The following ATP1A4 variants were observed in gnomAD, a reference collection of about 807,000 sequenced individuals.
ATP1A4 encodes the protein ATPase Na+/K+ transporting subunit alpha 4.
ATP1A4 carries 90 observed loss-of-function variants against 114.3 expected under a neutral mutation model. That is an observed-to-expected ratio of 0.79 (90% confidence interval 0.66 to 0.94). ATP1A4 has a LOEUF of 0.94. ATP1A4 is among the 40% of genes least tolerant of loss of function. The probability of loss-of-function intolerance (pLI) is 0.00; values close to 1 mark genes in which losing one functional copy is unlikely to be tolerated. For synonymous variants in ATP1A4, 511 were observed against 494.1 expected (o/e 1.03, Z -0.45); for missense variants, 1,222 against 1,313.6 (o/e 0.93, Z 1.08).
intron 13 of ATP1A4, 109 bp from the exon 14 acceptor site, chr1:160,174,002 G>C: frequency 7.4e-7 from 1 of 1,346,648 alleles, no homozygotes; most frequent in Non-Finnish European, 1.0e-6. Flanking sequence ...GACAAGTGAG[G>C]AGACTAGGTT....
At chr1:160,163,537 T>C (rs1411006951) in intron 6 of ATP1A4, among the ~76,000 whole-genome samples, 4 of 152,104 alleles carry the variant, frequency 2.6e-5, no homozygotes, top group African/African-American at 7.2e-5. Flanking sequence ...AGGATACAGA[T>C]GAGCAGTCAT....
In ATP1A4 at chr1:160,156,171, T is replaced by C. The variant is rs747401854; in HGVS notation, c.525+13T>C. 6.4e-7 allele frequency: 1 copy of C among 1,552,158 alleles called. No homozygotes were observed. Among genetic ancestry groups the C allele is most frequent in the South Asian group, 1.1e-5 (1 of 89,788 alleles). On this transcript the variant is annotated intron_variant, in intron 4 of 21. Coordinates refer to ENST00000368081, the MANE Select transcript of ATP1A4 (RefSeq NM_144699.4). Reference sequence around the variant, plus strand: ...CATGGTGCCTCAGGTAGGATTGGAGTGGGAGGATCTAGTGGGAGCAGGAGC... The same window carrying C: ...CATGGTGCCTCAGGTAGGATTGGAGCGGGAGGATCTAGTGGGAGCAGGAGC...
chr1:160,172,397 C>T (rs927783442), intron 12 of ATP1A4, among the ~76,000 whole-genome samples: 2 of 152,172 alleles, frequency 1.3e-5, no homozygotes, highest in African/African-American at 4.8e-5. Flanking sequence ...GTGTGAGCAG[C>T]TGCCCTAAGA....
chr1:160,164,144 C>T lies in ATP1A4; in HGVS notation c.779-12C>T. 1 of 1,613,058 alleles carries T rather than the reference C, an allele frequency of 6.2e-7. No individual in the cohort carries two copies. Among genetic ancestry groups the T allele is most frequent in the South Asian group, 1.1e-5 (1 of 90,990 alleles). On this transcript the variant is annotated splice_polypyrimidine_tract_variant and intron_variant, in intron 6 of 21. Transcript: ENST00000368081. ...CACAACATCACATTGCCCTCTCCTGCTTCATCCACAGGAACCGCCCGGGGT... is the reference window on the plus strand; with the variant it reads ...CACAACATCACATTGCCCTCTCCTGTTTCATCCACAGGAACCGCCCGGGGT...
chr1:160,152,314 A>G (rs2102007104), intron 1 of ATP1A4, 127 bp downstream of exon 1: 4 of 970,578 alleles, frequency 4.1e-6, no homozygotes, highest in Non-Finnish European at 4.3e-6. Flanking sequence ...TAGGCTTTGG[A>G]GGGAAGGAGA....
Position 160,159,067 on chromosome 1 carries a change from C to G in ATP1A4, c.591C>G (p.Asp197Glu), listed in dbSNP as rs1231946752. 1.1e-5 allele frequency: 18 copies of G among 1,613,996 alleles called. No individual in the cohort carries two copies. Among genetic ancestry groups the G allele is most frequent in the Non-Finnish European group, 1.4e-5 (16 of 1,179,970 alleles). Reference protein sequence around the residue: ...QINVQEVVLGDLVEIKGGDRV... With the variant: ...QINVQEVVLGELVEIKGGDRV... ...ATGTACAAGAGGTGGTGTTGGGAGA[C>G]CTGGTGGAAATCAAGGGTGGAGACC... is the stretch of plus-strand genomic sequence containing the variant. The change falls in exon 5 of 22, where the codon GAC becomes GAG. Residue 197 changes from aspartate to glutamate, a missense_variant. Coordinates refer to ENST00000368081, the MANE Select transcript of ATP1A4 (RefSeq NM_144699.4).
intron 12 of ATP1A4, among the ~76,000 whole-genome samples, chr1:160,172,807 T>C (rs1449919597): frequency 2.0e-5 from 3 of 152,324 alleles, no homozygotes; most frequent in South Asian, 4.1e-4. Flanking sequence ...CCATGTGTGC[T>C]GGGAGGGACT....
At chr1:160,161,319 C>T (rs1242018912) in intron 6 of ATP1A4, among the ~76,000 whole-genome samples, 1 of 152,170 alleles carries the variant, frequency 6.6e-6, no homozygotes, top group Admixed American at 6.5e-5. Flanking sequence ...CACCGTAGAC[C>T]TTGACATGGC....
intron 4 of ATP1A4, 82 bp downstream of exon 4, chr1:160,156,240 A>G (rs887331572): frequency 3.2e-6 from 3 of 946,050 alleles, no homozygotes; most frequent in Non-Finnish European, 1.7e-6. Flanking sequence ...GTGGAAAATT[A>G]TATCCTATGA....
intron 6 of ATP1A4, among the ~76,000 whole-genome samples, chr1:160,163,813 T>G (rs1400990532): frequency 6.6e-6 from 1 of 152,144 alleles, no homozygotes. Context: ...AACTCTCTAA[T>G]CACATGGTTA....
At position 160,180,693 on chromosome 1, in the gene ATP1A4, C is replaced by T. The variant is rs899804426; in HGVS notation, c.2737-991C>T. ...TATATCCCCTGACTCTGCCTTCTTC[C>T]CTTTTTTTTTTTTTTTTTTTTTTTT... On this transcript the variant is annotated intron_variant, in intron 18 of 21. Coordinates refer to ENST00000368081, the MANE Select transcript of ATP1A4 (RefSeq NM_144699.4). 4.6e-4 allele frequency among the ~76,000 whole-genome samples: 61 copies of T among 131,444 alleles called. 1 individual carries two copies. Among genetic ancestry groups the T allele is most frequent in the Non-Finnish European group, 1.7e-4 (11 of 64,216 alleles). 86.2% of individuals were successfully genotyped at this position (131,444 alleles called of 152,430 possible).
chr1:160,186,086 C>CAAAAAAAAAAAAAAAAAAAAAAAAAAAA (rs527303426), intron 20 of ATP1A4, among the ~76,000 whole-genome samples, 190 bp from the exon 21 acceptor site: 2 of 32,790 alleles, frequency 6.1e-5, no homozygotes, highest in African/African-American at 1.3e-4. Context: ...GACTCTGTCG[C>CAAAAAAAAAAAAAAAAAAAAAAAAAAAA]AAAAAAAAAA....
chr1:160,178,319 C>T (rs954402030), intron 18 of ATP1A4, among the ~76,000 whole-genome samples: 4 of 151,672 alleles, frequency 2.6e-5, no homozygotes, highest in African/African-American at 7.3e-5. Flanking sequence ...CACGCCATTG[C>T]ACTGCAGCCT....
intron 18 of ATP1A4, among the ~76,000 whole-genome samples, chr1:160,179,518 G>A (rs191786793): frequency 5.3e-5 from 8 of 152,216 alleles, no homozygotes; most frequent in Admixed American, 2.0e-4. Flanking sequence ...CTACAAAGGC[G>A]TGTCCGTGTC....
chr1:160,156,158 G>C lies in ATP1A4; in HGVS notation c.525G>C (p.Gln175His), dbSNP rs140904250. ...AGTCTTTTAAGAACATGGTGCCTCA[G>C]GTAGGATTGGAGTGGGAGGATCTAG... is the stretch of plus-strand genomic sequence containing the variant. ...IMESFKNMVP[Q>H]QALVIRGGEK... Residue 175 changes from glutamine to histidine, a missense_variant and splice_region_variant, in exon 4 of 22, where the codon CAG becomes CAC. Gln to His is a conservative substitution (Grantham distance 24). Coordinates refer to ENST00000368081, the MANE Select transcript of ATP1A4 (RefSeq NM_144699.4). The C allele has an allele frequency of 1.3e-6, 2 of 1,599,208 alleles. No homozygotes were observed. The highest frequency in any genetic ancestry group is 2.2e-5 in the South Asian group (2 of 90,778).
chr1:160,185,700 C>T (rs1057507754), intron 20 of ATP1A4, among the ~76,000 whole-genome samples: 1 of 151,768 alleles, frequency 6.6e-6, no homozygotes, highest in Non-Finnish European at 1.5e-5. Context: ...GCAGGCGGAT[C>T]ACAAGGTCTG....
intron 2 of ATP1A4, 23 bp from the exon 3 acceptor site, chr1:160,155,022 A>C (rs762048729): frequency 1.2e-5 from 20 of 1,608,750 alleles, no homozygotes; most frequent in Admixed American, 1.7e-5. Flanking sequence ...CTCTCTATCC[A>C]ACCCTATTTC....
intron 18 of ATP1A4, among the ~76,000 whole-genome samples, chr1:160,180,751 G>A (rs1353592804): frequency 1.2e-4 from 13 of 110,240 alleles, no homozygotes; most frequent in Non-Finnish European, 2.0e-4. Flanking sequence ...GTCTCGCTCT[G>A]TCGCCCAGGC....
intron 18 of ATP1A4, among the ~76,000 whole-genome samples, chr1:160,180,662 C>T (rs1410498663): frequency 7.2e-6 from 1 of 139,760 alleles, no homozygotes; most frequent in Admixed American, 7.3e-5. Context: ...TCCTTTCTTT[C>T]TGACCTATAT....
Sources: gnomAD v4.1 joint callset for allele counts (sites outside exome capture counted in the v4.1 genomes callset) on GRCh38, gnomAD v4.1.1 for gene constraint, MANE v1.5 for transcripts, NCBI Gene and HGNC (gene_info 2026-07-23, HGNC 2026-07-21) for gene names.